Variants in SVEP1 observed in about 807,000 individuals in gnomAD.
SVEP1 encodes sushi, von Willebrand factor type A, EGF and pentraxin domain-containing protein 1.
SVEP1 carries 164 observed loss-of-function variants against 367.3 expected under a neutral mutation model. The ratio of observed to expected loss-of-function variants is 0.45; its 90% CI spans 0.39 to 0.51. SVEP1 has a LOEUF of 0.51. Among genes scored for constraint, SVEP1 ranks in the 20% least tolerant of loss-of-function variants. The pLI is 0.00. For missense variants in SVEP1, 4,117 were observed against 4,425.3 expected, an observed-to-expected ratio of 0.93 and a Z score of 1.98; for synonymous variants, 1,666 against 1,611.6, an observed-to-expected ratio of 1.03 and a Z score of -0.81.
chr9:110,489,826 T>C, intron 8 of SVEP1, 47 bp from the exon 9 acceptor site: 1 of 1,567,064 alleles, frequency 6.4e-7, no homozygotes, highest in South Asian at 1.2e-5. Context: ...CAAAAGTGCG[T>C]TTATTCTTTT....
At chr9:110,480,636 T>C (rs1477745484) in intron 12 of SVEP1, among the ~76,000 whole-genome samples, 1 of 152,026 alleles carries the variant, frequency 6.6e-6, no homozygotes, top group Non-Finnish European at 1.5e-5. Flanking sequence ...GAGTTTTTTC[T>C]CTATTTTTTT....
chr9:110,482,219 G>A (rs1829202486), intron 11 of SVEP1, 142 bp downstream of exon 11: 9 of 883,572 alleles, frequency 1.0e-5, no homozygotes, highest in Non-Finnish European at 1.4e-5. Context: ...GAATGACAAT[G>A]GAAAACCTAA....
Position 110,482,546 on chromosome 9 carries a change from T to G in SVEP1, c.2039-54A>C, listed in dbSNP as rs1829208874. 3.2e-6 allele frequency: 5 copies of G among 1,541,368 alleles called. No homozygotes were observed. The South Asian group carries it at 4.8e-5, about 15-fold the overall frequency. On this transcript the variant is annotated intron_variant, in intron 10 of 47. Coordinates refer to ENST00000374469, the MANE Select transcript of SVEP1 (RefSeq NM_153366.4). ...TGGGTTGTATTCACAATATTTTTTT[T>G]GAAACAGTCTTACTCTGTTGCCCAG...
chr9:110,465,851 A>T lies in SVEP1; in HGVS notation c.3322+14T>A, dbSNP rs976268739. The T allele has an allele frequency of 3.7e-6, 6 of 1,610,188 alleles. No individual in the cohort carries two copies. In the African/African-American group the frequency reaches 8.0e-5, roughly 22 times the overall value. Reference sequence around the variant, plus strand: ...TAGGTTTAAAGAAATATCAATGTCTAAGGCTTTGATAACCTCCACATGCAG... The same window carrying T: ...TAGGTTTAAAGAAATATCAATGTCTTAGGCTTTGATAACCTCCACATGCAG... On this transcript the variant is annotated intron_variant, in intron 18 of 47. Transcript: ENST00000374469.
chr9:110,557,535 C>A (rs552904713), intron 1 of SVEP1, among the ~76,000 whole-genome samples: 3 of 139,634 alleles, frequency 2.1e-5, no homozygotes, highest in African/African-American at 5.1e-5. Flanking sequence ...TTCTTTCATA[C>A]GGAATTCTTA....
intron 21 of SVEP1, among the ~76,000 whole-genome samples, chr9:110,456,137 C>A (rs1029346852): frequency 6.1e-4 from 93 of 152,322 alleles, no homozygotes; most frequent in African/African-American, 2.0e-3. Flanking sequence ...AGGGTGCACA[C>A]AGGCTTTCTA....
intron 5 of SVEP1, among the ~76,000 whole-genome samples, chr9:110,509,735 T>C (rs1829679812): frequency 6.6e-6 from 1 of 152,204 alleles, no homozygotes; most frequent in Non-Finnish European, 1.5e-5. Context: ...TAGTTATCAA[T>C]GTACATCAAC....
chr9:110,422,756 G>A (rs1828180356), intron 36 of SVEP1, among the ~76,000 whole-genome samples: 1 of 120,378 alleles, frequency 8.3e-6, no homozygotes, highest in Non-Finnish European at 1.7e-5. Flanking sequence ...TTAAGAAAAT[G>A]TGGCACATAT....
chr9:110,572,835 C>T (rs1424321678), intron 1 of SVEP1, among the ~76,000 whole-genome samples: 2 of 138,322 alleles, frequency 1.4e-5, no homozygotes, highest in African/African-American at 5.2e-5. Context: ...ACTTTTTTGC[C>T]TGGGAAATAT....
At chr9:110,424,988 C>G (rs1488461096) in intron 36 of SVEP1, among the ~76,000 whole-genome samples, 1 of 152,172 alleles carries the variant, frequency 6.6e-6, no homozygotes, top group Non-Finnish European at 1.5e-5. Context: ...TTTTGCATTT[C>G]TATTTATTTC....
chr9:110,544,093 G>A (rs1027394733), intron 3 of SVEP1, among the ~76,000 whole-genome samples: 2 of 151,926 alleles, frequency 1.3e-5, no homozygotes, highest in Admixed American at 6.6e-5. Flanking sequence ...AGGGAAAGGA[G>A]ATGAGAGGAG....
intron 27 of SVEP1, 197 bp downstream of exon 27, chr9:110,443,340 TTCTCACAC>T: frequency 2.2e-6 from 1 of 444,618 alleles, no homozygotes; most frequent in South Asian, 6.8e-5. Context: ...TCAAAGGCAT[TTCTCACAC>T]AGAGAGGCAA....
At chr9:110,378,102 T>A (rs576260031) in intron 44 of SVEP1, among the ~76,000 whole-genome samples, 1 of 150,658 alleles carries the variant, frequency 6.6e-6, no homozygotes, top group East Asian at 1.9e-4. Flanking sequence ...TTTATCTGCA[T>A]GTCTATCTAA....
Position 110,458,498 on chromosome 9 carries a change from A to G in SVEP1, c.3549T>C (p.Ile1183=). Reference sequence around the variant, plus strand: ...GACTGCTGATTTCATGCCTCTTTTTAATATGTCCAAGAGAGGCAGGGGGCA... The same window carrying G: ...GACTGCTGATTTCATGCCTCTTTTTGATATGTCCAAGAGAGGCAGGGGGCA... ...SVVPPASLGH[I]KKRHEISSQV... The change falls in exon 20 of 48, where the codon ATT becomes ATC. Residue 1183 remains isoleucine, a synonymous_variant. Transcript: ENST00000374469. The G allele has an allele frequency of 4.3e-6, 7 of 1,612,948 alleles. No individual in the cohort carries two copies. In the South Asian group the frequency reaches 6.6e-5, roughly 15 times the overall value.
At chr9:110,513,710 T>C (rs576947452) in intron 4 of SVEP1, among the ~76,000 whole-genome samples, 1 of 152,312 alleles carries the variant, frequency 6.6e-6, no homozygotes, top group African/African-American at 2.4e-5. Context: ...ACTAAGCCTT[T>C]CTGATTTCAA....
intron 22 of SVEP1, among the ~76,000 whole-genome samples, chr9:110,452,351 T>C (rs1336694872): frequency 2.6e-5 from 4 of 152,224 alleles, no homozygotes; most frequent in Non-Finnish European, 5.9e-5. Context: ...ATAGTATGTG[T>C]CTGCCATTCT....
At chr9:110,390,063 A>AT (rs1491393302) in intron 40 of SVEP1, among the ~76,000 whole-genome samples, 1 of 125,912 alleles carries the variant, frequency 7.9e-6, no homozygotes, top group African/African-American at 2.8e-5. Flanking sequence ...GTATATATAT[A>AT]AGTATATATA....
At chr9:110,470,327 T>C (rs1306717352) in intron 16 of SVEP1, among the ~76,000 whole-genome samples, 3 of 152,122 alleles carry the variant, frequency 2.0e-5, no homozygotes, top group African/African-American at 7.2e-5. Flanking sequence ...TTATACACTT[T>C]AAAATGGTTA....
Position 110,411,412 on chromosome 9 carries a change from G to T in SVEP1, c.6299C>A (p.Ala2100Glu). The T allele has an allele frequency of 6.2e-7, 1 of 1,613,984 alleles. No homozygotes were observed. The highest frequency in any genetic ancestry group is 8.5e-7 in the Non-Finnish European group (1 of 1,179,874). The change falls in exon 37 of 48, where the codon GCA becomes GAA. Residue 2100 changes from alanine (A) to glutamate (E), a missense_variant. Physicochemically the swap from Ala to Glu is moderately radical, Grantham distance 107. Around this residue, in one of 4 missense-constraint regions of SVEP1, gnomAD observed 2,174 missense variants for 2,494.3 expected, o/e 0.87. Coordinates refer to ENST00000374469, the MANE Select transcript of SVEP1 (RefSeq NM_153366.4). The stretch of plus-strand genomic sequence containing the variant: ...CACAACTGAGCCAGCTGCAAATTTT[G>T]CTTTGCTCACAGATTCCAAGATGCT... Reference protein sequence around the residue: ...SYSILESVSKAKFAAGSVVSF... With the variant: ...SYSILESVSKEKFAAGSVVSF...
Sources: gnomAD v4.1 joint callset for allele counts (sites outside exome capture counted in the v4.1 genomes callset) on GRCh38, gnomAD v4.1.1 for gene constraint, gnomAD v4.1.1 regional missense constraint, MANE v1.5 for transcripts, NCBI Gene and HGNC (gene_info 2026-07-23, HGNC 2026-07-21) for gene names.